The following GALNT17 variants were observed in gnomAD, a reference collection of about 807,000 sequenced individuals.
GALNT17 encodes the protein polypeptide N-acetylgalactosaminyltransferase 17, also known as UDP-GalNAc:polypeptide N-acetylgalactosaminyltransferase-like 3.
GALNT17 carries 29 observed loss-of-function variants against 63.7 expected under a neutral mutation model. The ratio of observed to expected loss-of-function variants is 0.46; its 90% CI spans 0.34 to 0.62. GALNT17 has a LOEUF of 0.62. Ranked by LOEUF, GALNT17 falls within the 20% of genes least tolerant of loss-of-function variation. GALNT17 has a pLI of 0.01. For missense variants in GALNT17, 603 were observed against 799.6 expected (o/e 0.75, Z 2.97); for synonymous variants, 305 against 318.3 (o/e 0.96, Z 0.45).
chr7:71,187,894 G>C (rs926732525), intron 1 of GALNT17, among the ~76,000 whole-genome samples: 3 of 152,132 alleles, frequency 2.0e-5, no homozygotes, highest in African/African-American at 7.2e-5. Flanking sequence ...TTCCACCTGA[G>C]TCTCCAAAGT....
intron 6 of GALNT17, among the ~76,000 whole-genome samples, chr7:71,636,732 A>G (rs1790533230): frequency 6.6e-6 from 1 of 152,204 alleles, no homozygotes; most frequent in African/African-American, 2.4e-5. Context: ...GTGTGCCTGT[A>G]CATTTTTCTC....
intron 6 of GALNT17, among the ~76,000 whole-genome samples, chr7:71,595,187 C>T (rs561013750): frequency 2.0e-4 from 30 of 152,130 alleles, no homozygotes; most frequent in African/African-American, 6.7e-4. Context: ...TTTAGGAAGC[C>T]GGGACCTGAG....
chr7:71,203,235 T>C (rs924632992), intron 1 of GALNT17, among the ~76,000 whole-genome samples: 1 of 152,204 alleles, frequency 6.6e-6, no homozygotes, highest in Non-Finnish European at 1.5e-5. Context: ...CTGTTTTCCA[T>C]AGTGGCTGTA....
At chr7:71,336,381 G>A (rs1327690409) in intron 2 of GALNT17, among the ~76,000 whole-genome samples, 1 of 151,994 alleles carries the variant, frequency 6.6e-6, no homozygotes, top group Non-Finnish European at 1.5e-5. Context: ...ATGTTCAGGG[G>A]AACATGTGTA....
chr7:71,711,051 C>T (rs895023682), intron 10 of GALNT17, 123 bp downstream of exon 10: 2 of 1,340,126 alleles, frequency 1.5e-6, no homozygotes, highest in Non-Finnish European at 2.0e-6. Context: ...GGTCTCCCTG[C>T]CCCGGGCTGG....
intron 7 of GALNT17, among the ~76,000 whole-genome samples, chr7:71,666,793 A>T (rs527964002): frequency 2.4e-4 from 27 of 110,938 alleles, no homozygotes; most frequent in African/African-American, 1.0e-3. Context: ...AATAATTCTT[A>T]TGCTTTATTT....
At chr7:71,691,995 G>A (rs573531050) in intron 9 of GALNT17, among the ~76,000 whole-genome samples, 28 of 151,410 alleles carry the variant, frequency 1.8e-4, no homozygotes, top group East Asian at 2.0e-4. Context: ...CACTGTAGCC[G>A]CGACCTCCTG....
chr7:71,217,536 T>G (rs1789507377), intron 1 of GALNT17, among the ~76,000 whole-genome samples: 1 of 152,232 alleles, frequency 6.6e-6, no homozygotes, highest in South Asian at 2.1e-4. Flanking sequence ...ATCATTCTGG[T>G]TTTCTTTTTT....
intron 1 of GALNT17, among the ~76,000 whole-genome samples, chr7:71,322,232 G>A (rs564297676): frequency 1.5e-4 from 23 of 152,202 alleles, no homozygotes; most frequent in Middle Eastern, 3.4e-3. Context: ...GGGATTACAG[G>A]TGTGAACCAT....
intron 1 of GALNT17, 115 bp downstream of exon 1, chr7:71,133,155 C>T (rs1787718511): frequency 6.6e-6 from 6 of 905,914 alleles, no homozygotes; most frequent in Non-Finnish European, 9.4e-6. Flanking sequence ...ACCCTGGCTC[C>T]CGCGCGCTCC....
At chr7:71,159,109 T>C (rs578256190) in intron 1 of GALNT17, among the ~76,000 whole-genome samples, 67 of 151,892 alleles carry the variant, frequency 4.4e-4, no homozygotes, top group African/African-American at 1.6e-3. Context: ...CTGACTCCCA[T>C]AAACCCCCAT....
chr7:71,670,556 G>A (rs2117055948), intron 8 of GALNT17, among the ~76,000 whole-genome samples: 1 of 152,204 alleles, frequency 6.6e-6, no homozygotes, highest in Middle Eastern at 3.4e-3. Flanking sequence ...TTCTAAACCT[G>A]AAAGCAAAGC....
chr7:71,650,496 A>T (rs1374779484), intron 6 of GALNT17, among the ~76,000 whole-genome samples: 3 of 152,156 alleles, frequency 2.0e-5, no homozygotes, highest in African/African-American at 7.2e-5. Flanking sequence ...AAGTGCTGGG[A>T]TTACAGGTGT....
chr7:71,266,174 A>G (rs865785813), intron 1 of GALNT17, among the ~76,000 whole-genome samples: 6 of 148,836 alleles, frequency 4.0e-5, no homozygotes, highest in Admixed American at 2.0e-4. Flanking sequence ...TTGTGATATC[A>G]TCAGGCCCAC....
At chr7:71,313,141 C>T (rs900283241) in intron 1 of GALNT17, among the ~76,000 whole-genome samples, 2 of 152,116 alleles carry the variant, frequency 1.3e-5, no homozygotes, top group Non-Finnish European at 2.9e-5. Flanking sequence ...CCAGAGTCCA[C>T]CCTATAGAGA....
intron 7 of GALNT17, among the ~76,000 whole-genome samples, chr7:71,666,835 G>A (rs1341505237): frequency 1.3e-5 from 2 of 152,030 alleles, no homozygotes; most frequent in Non-Finnish European, 2.9e-5. Flanking sequence ...TTCTTACTGG[G>A]CTTTTAAAAA....
At chr7:71,697,399 C>T (rs146651824) in intron 9 of GALNT17, among the ~76,000 whole-genome samples, 249 of 152,078 alleles carry the variant, frequency 1.6e-3, no homozygotes, top group African/African-American at 5.8e-3. Context: ...AGGCAGGAAT[C>T]GGAGGACATG....
chr7:71,428,696 C>T (rs2116479065), intron 5 of GALNT17, among the ~76,000 whole-genome samples: 1 of 152,278 alleles, frequency 6.6e-6, no homozygotes, highest in African/African-American at 2.4e-5. Context: ...CTCGGCCTCC[C>T]AAAGTGCTGG....
intron 2 of GALNT17, among the ~76,000 whole-genome samples, chr7:71,385,114 T>C (rs561474933): frequency 6.6e-6 from 1 of 152,222 alleles, no homozygotes; most frequent in African/African-American, 2.4e-5. Context: ...GGGGCATCAC[T>C]GCACTTGGGA....
Sources: allele counts gnomAD v4.1 joint callset (sites outside exome capture counted in the v4.1 genomes callset), GRCh38; gene constraint gnomAD v4.1.1; transcripts MANE v1.5; gene names NCBI Gene and HGNC (gene_info 2026-07-23, HGNC 2026-07-21).